Variants in ANGPT4 observed in about 807,000 individuals in gnomAD.
ANGPT4 encodes the protein angiopoietin 4.
In ANGPT4, 50 loss-of-function variants were observed where a neutral mutation model predicts 53.0. The observed-to-expected ratio is 0.94, with a 90% CI of 0.75 to 1.20. ANGPT4 has a LOEUF of 1.20. ANGPT4 is among the 50% of genes most tolerant of loss of function. The probability of loss-of-function intolerance (pLI) is 0.00; values close to 1 mark genes in which losing one functional copy is unlikely to be tolerated. For synonymous variants in ANGPT4, 251 were observed against 259.7 expected, an observed-to-expected ratio of 0.97 and a Z score of 0.32; for missense variants, 648 against 637.1, an observed-to-expected ratio of 1.02 and a Z score of -0.18.
At chr20:909,180 T>C (rs1982603787) in intron 1 of ANGPT4, among the ~76,000 whole-genome samples, 1 of 152,190 alleles carries the variant, frequency 6.6e-6, no homozygotes, top group Non-Finnish European at 1.5e-5. Context: ...CCTTTTAGGA[T>C]GCCACGAGGT....
chr20:880,729 C>A (rs189145557), intron 5 of ANGPT4, among the ~76,000 whole-genome samples: 1 of 152,310 alleles, frequency 6.6e-6, no homozygotes, highest in East Asian at 1.9e-4. Context: ...TTTAGGACAA[C>A]CTTGGGAGCC....
At position 873,027 on chromosome 20, in the gene ANGPT4, T is replaced by G; in HGVS notation, c.1445A>C (p.His482Pro). Residue 482 changes from histidine (H) to proline (P), a missense_variant, in exon 9 of 9, where the codon CAC becomes CCC. By Grantham distance (77) the His-to-Pro change is moderately conservative. Transcript: ENST00000381922. ...NKYKMDGIRW[H>P]YFKGPSYSLR... ...TGAGTAGCTGGGGCCCTTGAAGTAG[T>G]GCCAGCGGATGCCGTCCATCTTGTA... is the stretch of plus-strand genomic sequence containing the variant. 1 of 1,614,112 alleles carries G rather than the reference T, an allele frequency of 6.2e-7. No individual in the cohort carries two copies. Among genetic ancestry groups the G allele is most frequent in the Non-Finnish European group, 8.5e-7 (1 of 1,180,022 alleles).
chr20:897,840 A>G (rs759115616), intron 1 of ANGPT4, among the ~76,000 whole-genome samples: 8 of 152,036 alleles, frequency 5.3e-5, no homozygotes, highest in Non-Finnish European at 7.4e-5. Flanking sequence ...AACCTCTTCA[A>G]CTCACACCTG....
intron 1 of ANGPT4, among the ~76,000 whole-genome samples, chr20:903,126 C>T (rs1354212701): frequency 6.6e-6 from 1 of 152,206 alleles, no homozygotes; most frequent in East Asian, 1.9e-4. Flanking sequence ...GCCTTGCAGC[C>T]AGTGAGCCCA....
Position 895,005 on chromosome 20 carries a change from C to G in ANGPT4, c.310-4637G>C, listed in dbSNP as rs547255185. Among the ~76,000 whole-genome samples, 16 of 152,298 alleles carry G rather than the reference C, an allele frequency of 1.1e-4. No individual in the cohort carries two copies. The East Asian group carries it at 2.9e-3, about 28-fold the overall frequency. On this transcript the variant is annotated intron_variant, in intron 1 of 8. Transcript: ENST00000381922. ...CACCCAGTTTGCCACACCCGCCCAC[C>G]AGCACAGGCCCTGGGATGGATAATC...
rs1179993986 is a variant in ANGPT4 at position 908,063 on chromosome 20, G to T, written c.309+7843C>A. Among the ~76,000 whole-genome samples, 1 of 152,170 alleles carries T rather than the reference G, an allele frequency of 6.6e-6. No individual in the cohort carries two copies. Among genetic ancestry groups the T allele is most frequent in the Admixed American group, 6.5e-5 (1 of 15,280 alleles). On this transcript the variant is annotated intron_variant, in intron 1 of 8. Transcript: ENST00000381922. This position sits in a 1 kb window ranked among gnomAD's most constrained non-coding sequence, Gnocchi z 4.9. Reference sequence around the variant, plus strand: ...ATGTGCCTGTCTTGCCTTCTTGGTGGCTGAGGCTGATCCTGCAGATGGGGT... The same window carrying T: ...ATGTGCCTGTCTTGCCTTCTTGGTGTCTGAGGCTGATCCTGCAGATGGGGT...
At chr20:881,313 T>C in intron 4 of ANGPT4, 27 bp from the exon 5 acceptor site, 1 of 1,606,014 alleles carries the variant, frequency 6.2e-7, no homozygotes, top group Non-Finnish European at 8.5e-7. Flanking sequence ...CAAAAGTCAG[T>C]TGGAGGTGGG....
At chr20:913,895 G>C (rs1472121515) in intron 1 of ANGPT4, among the ~76,000 whole-genome samples, 1 of 152,212 alleles carries the variant, frequency 6.6e-6, no homozygotes, top group East Asian at 1.9e-4. Context: ...AGACAGGCAG[G>C]AGGAGGGTGT....
intron 3 of ANGPT4, among the ~76,000 whole-genome samples, chr20:887,092 C>T (rs1981645513): frequency 6.6e-6 from 1 of 152,176 alleles, no homozygotes; most frequent in African/African-American, 2.4e-5. Context: ...GGCTGAGAGA[C>T]AGGGCTGGGA....
rs553795248 is a variant in ANGPT4 at position 898,428 on chromosome 20, G to A, written c.310-8060C>T. On this transcript the variant is annotated intron_variant, in intron 1 of 8. Coordinates refer to ENST00000381922, the MANE Select transcript of ANGPT4 (RefSeq NM_015985.4). Reference sequence around the variant, plus strand: ...CCTCTCCCAGATCAGTTAGCATTTAGGCTCTTTTTCATCAAATATAAAAAC... The same window carrying A: ...CCTCTCCCAGATCAGTTAGCATTTAAGCTCTTTTTCATCAAATATAAAAAC... 5.9e-5 allele frequency among the ~76,000 whole-genome samples: 9 copies of A among 152,270 alleles called. No individual in the cohort carries two copies. The South Asian group carries it at 1.7e-3, about 28-fold the overall frequency.
Position 872,820 on chromosome 20 carries a change from TG to T in ANGPT4, c.*139del. 9.2e-7 allele frequency: 1 copy of T among 1,089,346 alleles called. No individual in the cohort carries two copies. The highest frequency in any genetic ancestry group is 1.3e-6 in the Non-Finnish European group (1 of 752,498). The allele number at this position is 1,089,346 out of a possible 1,614,324, so 67.5% of individuals were successfully genotyped here. A position where few individuals can be genotyped will look rare whatever the true frequency, so the allele number is the denominator to read the frequency against. On this transcript the variant is annotated 3_prime_UTR_variant, in exon 9 of 9. Coordinates refer to ENST00000381922, the MANE Select transcript of ANGPT4 (RefSeq NM_015985.4). Reference sequence around the variant, plus strand: ...GGGGCAGATGACCCTTCTGGACTTCTGGGTCAAGGAGGGCTGGCTCAGGAAG... The same window carrying T: ...GGGGCAGATGACCCTTCTGGACTTCTGGTCAAGGAGGGCTGGCTCAGGAAG...
chr20:891,840 G>A (rs1981859493), intron 1 of ANGPT4, among the ~76,000 whole-genome samples: 1 of 152,192 alleles, frequency 6.6e-6, no homozygotes, highest in African/African-American at 2.4e-5. Flanking sequence ...GTACTGGTTA[G>A]AGCTGTGTTT....
chr20:903,758 TG>T (rs1320431695), intron 1 of ANGPT4, among the ~76,000 whole-genome samples: 2 of 152,160 alleles, frequency 1.3e-5, no homozygotes, highest in Non-Finnish European at 2.9e-5. Context: ...GCCCCATGGC[TG>T]GGGTGGTGCA....
intron 2 of ANGPT4, among the ~76,000 whole-genome samples, chr20:888,713 C>G (rs555420761): frequency 6.6e-6 from 1 of 152,226 alleles, no homozygotes; most frequent in Non-Finnish European, 1.5e-5. Flanking sequence ...TCCAACTCAT[C>G]TGCAGGTCCT....
intron 4 of ANGPT4, 37 bp downstream of exon 4, chr20:885,041 G>A (rs755455470): frequency 1.9e-6 from 3 of 1,611,178 alleles, no homozygotes; most frequent in East Asian, 2.2e-5. Flanking sequence ...TCTCCTGCCC[G>A]TCTTTAGCCA....
intron 7 of ANGPT4, 142 bp downstream of exon 7, chr20:878,019 C>A: frequency 1.1e-6 from 1 of 951,892 alleles, no homozygotes; most frequent in Non-Finnish European, 1.5e-6. Context: ...GACGTGCACC[C>A]AAATGGGGGA....
intron 2 of ANGPT4, 48 bp from the exon 3 acceptor site, chr20:888,487 G>A: frequency 6.4e-7 from 1 of 1,572,834 alleles, no homozygotes; most frequent in South Asian, 1.2e-5. Flanking sequence ...AGCGCTACAG[G>A]AGCCCTGCCC....
At position 885,102 on chromosome 20, in the gene ANGPT4, C is replaced by T. The variant is rs1426019461; in HGVS notation, c.811G>A (p.Glu271Lys). Residue 271 changes from glutamate to lysine, a missense_variant, in exon 4 of 9, where the codon GAA (glutamate) becomes AAA (lysine). Glu to Lys is a moderately conservative substitution (Grantham distance 56). Coordinates refer to ENST00000381922, the MANE Select transcript of ANGPT4 (RefSeq NM_015985.4). ...LLVLLRHLVQ[E>K]RANASAPAFI... ...CCCGGGGCCGAGGCGTTAGCCCTTT[C>T]TTGCACCAGGTGCCGCAACAACACC... 2 of 1,613,586 alleles carry T rather than the reference C, an allele frequency of 1.2e-6. No homozygotes were observed. The highest frequency in any genetic ancestry group is 1.7e-5 in the Admixed American group (1 of 60,000).
chr20:891,186 C>T (rs1218636914), intron 1 of ANGPT4, among the ~76,000 whole-genome samples: 1 of 152,186 alleles, frequency 6.6e-6, no homozygotes, highest in Non-Finnish European at 1.5e-5. Context: ...CATGCCCCTT[C>T]ACCAGCTTCC....
Sources: allele counts gnomAD v4.1 joint callset (sites outside exome capture counted in the v4.1 genomes callset), GRCh38; gene constraint gnomAD v4.1.1; non-coding constraint Gnocchi (gnomAD v3.1); transcripts MANE v1.5; gene names NCBI Gene and HGNC (gene_info 2026-07-23, HGNC 2026-07-21).